KIAA1671: variants seen among roughly 807,000 people sequenced by gnomAD.
The protein encoded by KIAA1671 is KIAA1671.
In KIAA1671, 52 loss-of-function variants were observed where a neutral mutation model predicts 131.2. The observed-to-expected ratio is 0.40, with a 90% confidence interval of 0.32 to 0.50. KIAA1671 has a LOEUF of 0.50. Among genes scored for constraint, KIAA1671 ranks in the 20% least tolerant of loss-of-function variants. The probability of loss-of-function intolerance (pLI) is 0.73; values close to 1 mark genes in which losing one functional copy is unlikely to be tolerated. For synonymous variants in KIAA1671, 1,003 were observed against 961.6 expected (o/e 1.04, Z -0.80); for missense variants, 2,360 against 2,364.2 (o/e 1.00, Z 0.04).
rs1429360488 is a variant in KIAA1671 at position 25,185,085 on chromosome 22, C to T, written c.5308C>T (p.Arg1770Cys). Residue 1770 changes from arginine to cysteine, a missense_variant, in exon 11 of 13, where the codon CGC (arginine) becomes TGC (cysteine). By Grantham distance (180) the Arg-to-Cys change is radical (BLOSUM62 -3). Around this residue, in one of 3 missense-constraint regions of KIAA1671, gnomAD observed 1,161 missense variants for 1,204.7 expected, o/e 0.96. Coordinates refer to ENST00000358431, the MANE Select transcript of KIAA1671 (RefSeq NM_001145206.2). ...SPFQPGVLGS[R>C]VLPSSMDKDE... is the part of the protein sequence containing the mutation. The stretch of plus-strand genomic sequence containing the variant: ...CTTCCAGCCTGGGGTGCTGGGCAGT[C>T]GCGTGCTGCCTTCCAGCATGGACAA... 12 of 1,551,506 alleles carry T rather than the reference C, an allele frequency of 7.7e-6. No individual in the cohort carries two copies. The highest frequency in any genetic ancestry group is 3.6e-5 in the South Asian group (3 of 84,030).
At chr22:25,035,151 TCTC>T (rs1926520861) in intron 4 of KIAA1671, among the ~76,000 whole-genome samples, 1 of 151,202 alleles carries the variant, frequency 6.6e-6, no homozygotes, top group African/African-American at 2.4e-5. Flanking sequence ...TTCAAGTAAT[TCTC>T]CTGCCTCAGC....
chr22:25,148,345 C>T (rs1724125601), intron 6 of KIAA1671, among the ~76,000 whole-genome samples: 1 of 151,910 alleles, frequency 6.6e-6, no homozygotes, highest in South Asian at 2.1e-4. Flanking sequence ...CCCAGCGCTC[C>T]CTCAGTCTTA....
chr22:25,115,812 T>C (rs1931623540), intron 6 of KIAA1671, among the ~76,000 whole-genome samples: 1 of 152,232 alleles, frequency 6.6e-6, no homozygotes, highest in Non-Finnish European at 1.5e-5. Context: ...AGCCTCACTT[T>C]GTCACCCAGG....
chr22:25,154,959 T>TA (rs1233868964), intron 6 of KIAA1671, among the ~76,000 whole-genome samples: 2 of 152,182 alleles, frequency 1.3e-5, no homozygotes, highest in African/African-American at 2.4e-5. Flanking sequence ...CCTTCCCTGA[T>TA]ATCCCCACCT....
At chr22:25,183,102 T>G (rs1934348420) in intron 10 of KIAA1671, among the ~76,000 whole-genome samples, 1 of 152,178 alleles carries the variant, frequency 6.6e-6, no homozygotes, top group Non-Finnish European at 1.5e-5. Flanking sequence ...GCTTGCAAAC[T>G]CACTTTATGC....
intron 9 of KIAA1671, among the ~76,000 whole-genome samples, chr22:25,181,273 G>T (rs1934264027): frequency 1.3e-5 from 2 of 152,170 alleles, no homozygotes; most frequent in African/African-American, 4.8e-5. Context: ...TGGCTTCCTG[G>T]TCCACCTTTG....
At chr22:25,145,269 G>A (rs1334943993) in intron 6 of KIAA1671, among the ~76,000 whole-genome samples, 1 of 152,244 alleles carries the variant, frequency 6.6e-6, no homozygotes, top group Non-Finnish European at 1.5e-5. Flanking sequence ...GGGGTGGGTT[G>A]AGTTAAAAAG....
intron 8 of KIAA1671, chr22:25,174,735 C>T: frequency 2.3e-6 from 1 of 427,170 alleles, no homozygotes; most frequent in Non-Finnish European, 4.1e-6. Context: ...CCAGCATCAT[C>T]AGCTCCACAG....
At chr22:24,966,120 A>T (rs1423754683) in intron 1 of KIAA1671, among the ~76,000 whole-genome samples, 2 of 152,214 alleles carry the variant, frequency 1.3e-5, no homozygotes, top group African/African-American at 4.8e-5. Flanking sequence ...ATTCCAGTGT[A>T]ATACCCCTGC....
rs796128335 is a variant in KIAA1671 at position 25,130,089 on chromosome 22, T to G, written c.4531-40731T>G. On this transcript the variant is annotated intron_variant, in intron 6 of 12. Coordinates refer to ENST00000358431, the MANE Select transcript of KIAA1671 (RefSeq NM_001145206.2). ...GATGTCAGCTCTATAAAAATTTTTT[T>G]AAATAAATAAGCAATTATTATCAAT... is the stretch of plus-strand genomic sequence containing the variant. 5.9e-5 allele frequency among the ~76,000 whole-genome samples: 9 copies of G among 152,294 alleles called. 1 individual carries two copies. The South Asian group carries it at 1.9e-3, about 32-fold the overall frequency.
At chr22:25,050,569 T>G (rs1927480814) in intron 6 of KIAA1671, 1 of 152,270 alleles carries the variant, frequency 6.6e-6, no homozygotes, top group Non-Finnish European at 1.5e-5. Context: ...CAAGAAACTT[T>G]GCTTTCCTGA....
At chr22:25,107,278 G>A (rs558608001) in intron 6 of KIAA1671, among the ~76,000 whole-genome samples, 14 of 151,894 alleles carry the variant, frequency 9.2e-5, no homozygotes, top group East Asian at 2.0e-4. Flanking sequence ...TTAGCCGGGC[G>A]TGGTGGCAGG....
chr22:25,171,806 G>A (rs1477002178), intron 7 of KIAA1671, among the ~76,000 whole-genome samples: 4 of 152,102 alleles, frequency 2.6e-5, no homozygotes, highest in Non-Finnish European at 5.9e-5. Flanking sequence ...GAGGCGCTGG[G>A]GTGGAGAGGG....
chr22:25,156,936 C>T (rs774156235), intron 6 of KIAA1671, among the ~76,000 whole-genome samples: 5 of 152,174 alleles, frequency 3.3e-5, no homozygotes, highest in South Asian at 4.1e-4. Context: ...TTTACACGTA[C>T]GCTGCAAGGC....
intron 6 of KIAA1671, among the ~76,000 whole-genome samples, chr22:25,127,775 A>C (rs912194182): frequency 6.6e-6 from 1 of 152,244 alleles, no homozygotes; most frequent in Non-Finnish European, 1.5e-5. Context: ...GGGGGAGATG[A>C]AAAAAGAATG....
chr22:25,181,734 G>A lies in KIAA1671; in HGVS notation c.5110G>A (p.Glu1704Lys). The A allele has an allele frequency of 3.9e-6, 6 of 1,551,664 alleles. No homozygotes were observed. Among genetic ancestry groups the A allele is most frequent in the Non-Finnish European group, 5.2e-6 (6 of 1,146,992 alleles). Residue 1704 changes from glutamate to lysine, a missense_variant, in exon 10 of 13, where the codon GAG (glutamate) becomes AAG (lysine). Coordinates refer to ENST00000358431, the MANE Select transcript of KIAA1671 (RefSeq NM_001145206.2). Reference protein sequence around the residue: ...KSPRKEESDEEETASKAERTP... With the variant: ...KSPRKEESDEKETASKAERTP... ...ACCCAGGAAGGAGGAGTCGGATGAGGAGGAGACGGCATCCAAAGCTGAGAG... is the reference window on the plus strand; with the variant it reads ...ACCCAGGAAGGAGGAGTCGGATGAGAAGGAGACGGCATCCAAAGCTGAGAG...
chr22:24,990,161 G>C (rs1372362886), intron 1 of KIAA1671, among the ~76,000 whole-genome samples: 1 of 151,996 alleles, frequency 6.6e-6, no homozygotes. Flanking sequence ...TGTGATCTCA[G>C]CTCGCTGCAA....
intron 1 of KIAA1671, among the ~76,000 whole-genome samples, chr22:24,968,375 T>C (rs1922413891): frequency 6.6e-6 from 1 of 152,146 alleles, no homozygotes; most frequent in Non-Finnish European, 1.5e-5. Flanking sequence ...CCCTGAGGCC[T>C]GAGTCACCCC....
At chr22:24,993,996 G>T (rs559359949) in intron 1 of KIAA1671, among the ~76,000 whole-genome samples, 68 of 152,036 alleles carry the variant, frequency 4.5e-4, no homozygotes, top group Non-Finnish European at 8.2e-4. Context: ...CAGGAGAATC[G>T]CTTGAACCCA....
Sources: gnomAD v4.1 joint callset for allele counts (sites outside exome capture counted in the v4.1 genomes callset) on GRCh38, gnomAD v4.1.1 for gene constraint, gnomAD v4.1.1 regional missense constraint, MANE v1.5 for transcripts, NCBI Gene and HGNC (gene_info 2026-07-23, HGNC 2026-07-21) for gene names.